AHCYL2: variants seen among roughly 807,000 people sequenced by gnomAD.
The protein encoded by AHCYL2 is S-adenosylhomocysteine hydrolase-like protein 2.
Under a neutral mutation model 81.4 loss-of-function variants are expected in AHCYL2, and 28 were observed. The observed-to-expected ratio is 0.34, with a 90% CI of 0.25 to 0.47. The LOEUF (loss-of-function observed/expected upper bound fraction) is 0.47, where lower values mean the gene tolerates loss of function less well. AHCYL2 is among the 20% of genes least tolerant of loss of function. The pLI, the probability that AHCYL2 is intolerant of heterozygous loss-of-function variation, is 1.00. For missense variants in AHCYL2, 551 were observed against 785.1 expected, an observed-to-expected ratio of 0.70 and a Z score of 3.56; for synonymous variants, 272 against 290.2, an observed-to-expected ratio of 0.94 and a Z score of 0.64.
intron 4 of AHCYL2, among the ~76,000 whole-genome samples, chr7:129,390,443 A>G (rs1795413447): frequency 6.6e-6 from 1 of 152,244 alleles, no homozygotes; most frequent in African/African-American, 2.4e-5. Context: ...AATTCAGCAC[A>G]GTAAGAAATG....
chr7:129,294,304 G>GT (rs2150754375), intron 1 of AHCYL2, among the ~76,000 whole-genome samples: 1 of 152,258 alleles, frequency 6.6e-6, no homozygotes, highest in East Asian at 1.9e-4. Flanking sequence ...TGCCAGGAAA[G>GT]TGTTAATGCT....
chr7:129,248,190 A>G (rs547955443), intron 1 of AHCYL2, among the ~76,000 whole-genome samples: 2 of 152,264 alleles, frequency 1.3e-5, no homozygotes, highest in African/African-American at 4.8e-5. Context: ...CTTCTGTTCC[A>G]TTGATCAGCT....
chr7:129,395,821 G>A (rs1349129674), intron 4 of AHCYL2, among the ~76,000 whole-genome samples: 1 of 152,190 alleles, frequency 6.6e-6, no homozygotes, highest in Non-Finnish European at 1.5e-5. Context: ...TGTGTCTGGA[G>A]CTTCAAAAAA....
chr7:129,239,028 GA>G (rs377544937), intron 1 of AHCYL2, among the ~76,000 whole-genome samples: 38,123 of 151,998 alleles, frequency 0.25, 4,891 homozygotes, highest in East Asian at 0.42. Context: ...TGCAATCAGG[GA>G]TCATTTACCT....
chr7:129,226,655 C>A (rs1414993142), intron 1 of AHCYL2, among the ~76,000 whole-genome samples: 1 of 152,140 alleles, frequency 6.6e-6, no homozygotes, highest in Non-Finnish European at 1.5e-5. Context: ...GCGGATAATC[C>A]TTTCATCCTA....
At chr7:129,250,007 C>A (rs1018273599) in intron 1 of AHCYL2, among the ~76,000 whole-genome samples, 5 of 152,074 alleles carry the variant, frequency 3.3e-5, no homozygotes, top group African/African-American at 1.2e-4. Context: ...GTGAATAATG[C>A]TGTTATTGGG....
chr7:129,368,027 C>T lies in AHCYL2; in HGVS notation c.364-11611C>T, dbSNP rs532450213. 82 of 877,274 alleles carry T rather than the reference C, an allele frequency of 9.3e-5. 1 individual carries two copies. In the Middle Eastern group the frequency reaches 2.3e-3, roughly 25 times the overall value. 54.3% of individuals were successfully genotyped at this position (877,274 alleles called of 1,614,324 possible). A position where few individuals can be genotyped will look rare whatever the true frequency, so the allele number is the denominator to read the frequency against. On this transcript the variant is annotated intron_variant, in intron 1 of 16. Coordinates refer to ENST00000325006, the MANE Select transcript of AHCYL2 (RefSeq NM_015328.4). The surrounding 1 kb of genome is among the most constrained non-coding windows in gnomAD (Gnocchi z 4.4). The stretch of plus-strand genomic sequence containing the variant: ...AGCAACTCTTGAGAAATGGGAGTGC[C>T]TTCCTGACCTCAGTCTTTATTGATC...
intron 1 of AHCYL2, among the ~76,000 whole-genome samples, chr7:129,364,806 A>G (rs539570695): frequency 6.6e-6 from 1 of 152,128 alleles, no homozygotes; most frequent in Admixed American, 6.5e-5. Context: ...TGGAAAATGG[A>G]TTATATATTC....
chr7:129,415,670 AC>A (rs1231937310), intron 12 of AHCYL2, among the ~76,000 whole-genome samples: 4 of 151,122 alleles, frequency 2.6e-5, no homozygotes, highest in Non-Finnish European at 4.4e-5. Flanking sequence ...GATGTTTGAG[AC>A]CATGTGTGGT....
At chr7:129,228,420 C>T (rs1411678381) in intron 1 of AHCYL2, among the ~76,000 whole-genome samples, 1 of 152,154 alleles carries the variant, frequency 6.6e-6, no homozygotes, top group Non-Finnish European at 1.5e-5. Context: ...TTGGCACCTG[C>T]CTCCGTCCTG....
chr7:129,372,148 A>C (rs1794441393), intron 1 of AHCYL2, among the ~76,000 whole-genome samples: 1 of 152,212 alleles, frequency 6.6e-6, no homozygotes, highest in African/African-American at 2.4e-5. Flanking sequence ...ACTTAATTTG[A>C]AAGAATAGAA....
At chr7:129,370,166 T>C (rs1563216274) in intron 1 of AHCYL2, among the ~76,000 whole-genome samples, 1 of 152,178 alleles carries the variant, frequency 6.6e-6, no homozygotes, top group Non-Finnish European at 1.5e-5. Flanking sequence ...ATTTCTGTCA[T>C]AGTCCTCACC....
rs1249978108 is a variant in AHCYL2, at chr7:129,397,344, G to A, written c.823+20G>A. The stretch of plus-strand genomic sequence containing the variant: ...AAAGTGGTAAGAGCTTATTCTCTGT[G>A]CCTTTGGCTAAAGTAAGTCTATTTG... On this transcript the variant is annotated intron_variant, in intron 5 of 16. Transcript: ENST00000325006. 6.2e-7 allele frequency: 1 copy of A among 1,608,986 alleles called. No individual in the cohort carries two copies. The highest frequency in any genetic ancestry group is 2.2e-5 in the East Asian group (1 of 44,794).
rs1009536729 is a variant in AHCYL2, at chr7:129,428,067, G to A, written c.*1022G>A. ...CAGCTTGATACCCTAACAAAGCAGA[G>A]TATATTTATTTGTTTCCCAGGAAGG... On this transcript the variant is annotated 3_prime_UTR_variant, in exon 17 of 17. Coordinates refer to ENST00000325006, the MANE Select transcript of AHCYL2 (RefSeq NM_015328.4). 6.6e-6 allele frequency: 1 copy of A among 152,216 alleles called. No homozygotes were observed. The highest frequency in any genetic ancestry group is 6.5e-5 in the Admixed American group (1 of 15,274). 9.4% of individuals were successfully genotyped at this position (152,216 alleles called of 1,614,324 possible). A position where few individuals can be genotyped will look rare whatever the true frequency, so the allele number is the denominator to read the frequency against.
chr7:129,360,427 A>T (rs1563211532), intron 1 of AHCYL2, among the ~76,000 whole-genome samples: 2 of 152,168 alleles, frequency 1.3e-5, no homozygotes, highest in African/African-American at 2.4e-5. Context: ...CTATTCTTTA[A>T]ATCATATATT....
intron 1 of AHCYL2, among the ~76,000 whole-genome samples, chr7:129,266,199 T>C (rs1000210769): frequency 2.0e-4 from 30 of 152,242 alleles, no homozygotes; most frequent in African/African-American, 6.8e-4. Flanking sequence ...AACAAATGAC[T>C]GTTAACAATT....
chr7:129,340,693 T>G (rs1793147982), intron 1 of AHCYL2, among the ~76,000 whole-genome samples: 2 of 103,846 alleles, frequency 1.9e-5, no homozygotes, highest in South Asian at 7.2e-4. Context: ...TTCTAAGAAC[T>G]GCTTTTACCC....
intron 1 of AHCYL2, among the ~76,000 whole-genome samples, chr7:129,298,306 T>TA (rs1464843704): frequency 2.6e-5 from 4 of 152,346 alleles, no homozygotes; most frequent in African/African-American, 9.6e-5. Context: ...TAGCCTGGTT[T>TA]TATTGTTGAA....
intron 1 of AHCYL2, among the ~76,000 whole-genome samples, chr7:129,326,588 A>T (rs1034003240): frequency 6.6e-6 from 1 of 152,102 alleles, no homozygotes; most frequent in Non-Finnish European, 1.5e-5. Context: ...ATGGCAGGGG[A>T]ACATTCAACT....
Sources: allele counts gnomAD v4.1 joint callset (sites outside exome capture counted in the v4.1 genomes callset), GRCh38; gene constraint gnomAD v4.1.1; non-coding constraint Gnocchi (gnomAD v3.1); transcripts MANE v1.5; gene names NCBI Gene and HGNC (gene_info 2026-07-23, HGNC 2026-07-21).